RORA: variants seen among roughly 807,000 people sequenced by gnomAD.
The protein encoded by RORA is nuclear receptor ROR-alpha.
Under a neutral mutation model 69.5 loss-of-function variants are expected in RORA, and 7 were observed. That is an observed-to-expected ratio of 0.10 (90% confidence interval 0.06 to 0.19). The LOEUF (loss-of-function observed/expected upper bound fraction) is 0.19. RORA is among the 10% of genes least tolerant of loss of function. The probability of loss-of-function intolerance (pLI) is 1.00; values close to 1 mark genes in which losing one functional copy is unlikely to be tolerated. For synonymous variants in RORA, 261 were observed against 240.8 expected (o/e 1.08, Z -0.78); for missense variants, 457 against 663.0 (o/e 0.69, Z 3.41).
At position 60,497,559 on chromosome 15, in the gene RORA, C is replaced by T. The variant is rs1368320188; in HGVS notation, c.1468G>A (p.Ala490Thr). ...LCGRHTEKLM[A>T]FKAIYPDIVR... Reference sequence around the variant, plus strand: ...ATGTCTGGGTATATTGCTTTAAATGCCATTAGCTTTTCTGTATGTCGTCCA... The same window carrying T: ...ATGTCTGGGTATATTGCTTTAAATGTCATTAGCTTTTCTGTATGTCGTCCA... Residue 490 changes from alanine (A) to threonine (T), a missense_variant, in exon 11 of 11, where the codon GCA becomes ACA. By Grantham distance (58) the Ala-to-Thr change is moderately conservative. This residue lies in a region of RORA where 304 missense variants were observed against 447.4 expected (regional missense o/e 0.68). Coordinates refer to ENST00000335670, the MANE Select transcript of RORA (RefSeq NM_134261.3). 1.6e-5 allele frequency: 26 copies of T among 1,612,500 alleles called. No homozygotes were observed. The highest frequency in any genetic ancestry group is 2.1e-5 in the Non-Finnish European group (25 of 1,178,678).
At chr15:60,946,914 GC>G (rs1485750508) in intron 1 of RORA, among the ~76,000 whole-genome samples, 13 of 152,042 alleles carry the variant, frequency 8.6e-5, no homozygotes, top group Admixed American at 7.2e-4. Context: ...CCTCTGCCCG[GC>G]CCCGACCCCG....
chr15:60,717,796 C>CTTTTTTTTTTTTTTTTTTTTTTTTTTTTT (rs10653856), intron 1 of RORA, among the ~76,000 whole-genome samples: 1 of 91,974 alleles, frequency 1.1e-5, no homozygotes, highest in African/African-American at 4.2e-5. Context: ...TTCTTTTTCT[C>CTTTTTTTTTTTTTTTTTTTTTTTTTTTTT]TTTTTTTTTT....
At chr15:60,711,098 T>G (rs1378179653) in intron 1 of RORA, among the ~76,000 whole-genome samples, 2 of 152,154 alleles carry the variant, frequency 1.3e-5, no homozygotes, top group Non-Finnish European at 2.9e-5. Flanking sequence ...GCAGCCCAAT[T>G]TGGGCACATT....
intron 1 of RORA, among the ~76,000 whole-genome samples, chr15:61,105,001 C>CCCT (rs1555411279): frequency 7.0e-6 from 1 of 143,396 alleles, no homozygotes; most frequent in East Asian, 2.3e-4. Flanking sequence ...AGGCGCCCCC[C>CCCT]CCACCGCCCA....
At chr15:60,561,151 G>A (rs187352289) in intron 2 of RORA, among the ~76,000 whole-genome samples, 2 of 145,050 alleles carry the variant, frequency 1.4e-5, no homozygotes, top group East Asian at 2.0e-4. Context: ...GCGCGATCTC[G>A]GCTCACTGCA....
At chr15:60,764,880 A>T (rs1321236292) in intron 1 of RORA, 1 of 151,904 alleles carries the variant, frequency 6.6e-6, no homozygotes, top group African/African-American at 2.4e-5. Context: ...AGAAACCATA[A>T]AAACGACGTC....
chr15:60,921,792 G>A (rs4547277), intron 1 of RORA, among the ~76,000 whole-genome samples: 95,805 of 152,010 alleles, frequency 0.63, 30,723 homozygotes, highest in East Asian at 0.87. Context: ...GCATAATACA[G>A]TTCACTAACA....
At chr15:61,214,863 CTTTTTTTTTT>C (rs34041868) in intron 1 of RORA, among the ~76,000 whole-genome samples, 2 of 107,090 alleles carry the variant, frequency 1.9e-5, no homozygotes, top group Non-Finnish European at 3.6e-5. Flanking sequence ...CCTTCTTGGA[CTTTTTTTTTT>C]TTTTTTTTTT....
intron 1 of RORA, among the ~76,000 whole-genome samples, chr15:61,200,920 GA>G (rs905198778): frequency 2.7e-5 from 4 of 150,632 alleles, no homozygotes; most frequent in Non-Finnish European, 5.9e-5. Context: ...CGGTCCCAGG[GA>G]AAAAAAAATG....
chr15:60,656,168 T>A (rs2140707686), intron 2 of RORA, among the ~76,000 whole-genome samples: 1 of 152,328 alleles, frequency 6.6e-6, no homozygotes, highest in Non-Finnish European at 1.5e-5. Flanking sequence ...GAGAGAGGTT[T>A]GGGAGACCAC....
chr15:61,200,154 G>T (rs1214951711), intron 1 of RORA, among the ~76,000 whole-genome samples: 1 of 152,182 alleles, frequency 6.6e-6, no homozygotes, highest in African/African-American at 2.4e-5. Flanking sequence ...TAAGGACTGG[G>T]GTCTATCAGA....
chr15:60,497,856 C>T (rs556737369), intron 10 of RORA, among the ~76,000 whole-genome samples: 1 of 151,794 alleles, frequency 6.6e-6, no homozygotes, highest in South Asian at 2.1e-4. Context: ...CTCAGGAGTT[C>T]AAGACCAGCC....
intron 1 of RORA, among the ~76,000 whole-genome samples, chr15:60,899,379 T>C (rs894987678): frequency 1.3e-5 from 2 of 152,320 alleles, no homozygotes; most frequent in East Asian, 1.9e-4. Flanking sequence ...ACAGCTCTTA[T>C]CTGATTGAAA....
intron 1 of RORA, among the ~76,000 whole-genome samples, chr15:61,102,483 C>A (rs2078893806): frequency 6.6e-6 from 1 of 152,194 alleles, no homozygotes; most frequent in Admixed American, 6.5e-5. Context: ...TTCGTTTTTG[C>A]TCTGTATTCC....
At chr15:61,038,501 T>C (rs1595903981) in intron 1 of RORA, among the ~76,000 whole-genome samples, 1 of 152,234 alleles carries the variant, frequency 6.6e-6, no homozygotes, top group Non-Finnish European at 1.5e-5. Flanking sequence ...TCAATCACTG[T>C]CAGCTGCCGT....
rs1045733968 is a variant in RORA, at chr15:60,697,842, G to C, written c.167-19156C>G. ...AGGGGGTCTCCATTCATATTACATG[G>C]TATCTCATTCACGGCTCCTCTGGGA... On this transcript the variant is annotated intron_variant, in intron 1 of 10. Coordinates refer to ENST00000335670, the MANE Select transcript of RORA (RefSeq NM_134261.3). 3.3e-5 allele frequency among the ~76,000 whole-genome samples: 5 copies of C among 152,196 alleles called. No homozygotes were observed. The East Asian group carries it at 9.6e-4, about 29-fold the overall frequency.
chr15:61,063,056 T>A (rs1439498462), intron 1 of RORA, among the ~76,000 whole-genome samples: 1 of 152,196 alleles, frequency 6.6e-6, no homozygotes, highest in African/African-American at 2.4e-5. Context: ...ACCCGGCGTA[T>A]TCACCAGTGT....
intron 2 of RORA, among the ~76,000 whole-genome samples, chr15:60,549,637 T>C (rs539491666): frequency 6.6e-6 from 1 of 152,182 alleles, no homozygotes; most frequent in Non-Finnish European, 1.5e-5. Context: ...GATAGGTATG[T>C]GTGTGTGGGA....
Position 60,838,185 on chromosome 15 carries a change from C to T in RORA, c.167-159499G>A, listed in dbSNP as rs530594685. On this transcript the variant is annotated intron_variant, in intron 1 of 10. Coordinates refer to ENST00000335670, the MANE Select transcript of RORA (RefSeq NM_134261.3). ...TTAGACCTCTATCCTATTGTTTCTG[C>T]CACCCCTACTCTCCAGCATGCTGTT... 3.9e-5 allele frequency among the ~76,000 whole-genome samples: 6 copies of T among 152,252 alleles called. No homozygotes were observed. In the South Asian group the frequency reaches 1.2e-3, roughly 32 times the overall value.
Sources: allele counts gnomAD v4.1 joint callset (sites outside exome capture counted in the v4.1 genomes callset), GRCh38; gene constraint gnomAD v4.1.1; regional missense constraint gnomAD v4.1.1; transcripts MANE v1.5; gene names NCBI Gene and HGNC (gene_info 2026-07-23, HGNC 2026-07-21).